SYT1: variants seen among roughly 807,000 people sequenced by gnomAD.
SYT1 encodes synaptotagmin-1.
SYT1 carries 8 observed loss-of-function variants against 44.8 expected under a neutral mutation model. That is an observed-to-expected ratio of 0.18 (90% CI 0.10 to 0.32). SYT1 has a LOEUF of 0.32. SYT1 is among the 10% of genes least tolerant of loss of function. The pLI, the probability that SYT1 is intolerant of heterozygous loss-of-function variation, is 1.00. For missense variants in SYT1, 286 were observed against 509.3 expected (o/e 0.56, Z 4.22); for synonymous variants, 154 against 188.8 (o/e 0.82, Z 1.51).
chr12:79,006,919 CTGA>C (rs954528383), intron 2 of SYT1, among the ~76,000 whole-genome samples: 1 of 152,058 alleles, frequency 6.6e-6, no homozygotes, highest in African/African-American at 2.4e-5. Context: ...TATATAGCTC[CTGA>C]TATTTCTTGC....
chr12:79,221,111 G>A (rs1875132274), intron 4 of SYT1, among the ~76,000 whole-genome samples: 10 of 152,026 alleles, frequency 6.6e-5, no homozygotes, highest in Admixed American at 6.6e-4. Context: ...CCAATGTTAG[G>A]TGCATATATG....
chr12:79,072,272 C>T (rs1197077098), intron 3 of SYT1, among the ~76,000 whole-genome samples: 2 of 152,178 alleles, frequency 1.3e-5, no homozygotes, highest in Non-Finnish European at 2.9e-5. Context: ...CTCTCTCTTT[C>T]GTAGTTTGTT....
intron 9 of SYT1, among the ~76,000 whole-genome samples, chr12:79,434,337 T>A (rs934991453): frequency 6.6e-6 from 1 of 152,228 alleles, no homozygotes; most frequent in Middle Eastern, 3.2e-3. Flanking sequence ...TAATGCTGCA[T>A]CCTTTCAACA....
At chr12:79,417,251 T>C (rs1868798931) in intron 9 of SYT1, among the ~76,000 whole-genome samples, 1 of 152,228 alleles carries the variant, frequency 6.6e-6, no homozygotes, top group Non-Finnish European at 1.5e-5. Context: ...TGTTTGCTAG[T>C]TGATTGCTTA....
intron 1 of SYT1, among the ~76,000 whole-genome samples, chr12:78,910,647 G>T (rs2137124985): frequency 6.6e-6 from 1 of 152,058 alleles, no homozygotes; most frequent in South Asian, 2.1e-4. Context: ...CATGAAAATT[G>T]CAGTCTAGAC....
Position 79,183,228 on chromosome 12 carries a change from T to A in SYT1, c.-17-34275T>A, listed in dbSNP as rs187587623. On this transcript the variant is annotated intron_variant, in intron 3 of 10. Coordinates refer to ENST00000261205, the MANE Select transcript of SYT1 (RefSeq NM_005639.3). ...ATGTAGCTTACACATGCAGCACCAC[T>A]CACTTCGGGAAGAGACAAGTCTTCT... is the stretch of plus-strand genomic sequence containing the variant. 2.6e-5 allele frequency among the ~76,000 whole-genome samples: 4 copies of A among 151,996 alleles called. No individual in the cohort carries two copies. The East Asian group carries it at 7.8e-4, about 30-fold the overall frequency.
At chr12:78,874,083 G>A (rs73347888) in intron 1 of SYT1, among the ~76,000 whole-genome samples, 2,608 of 151,548 alleles carry the variant, frequency 0.017, 74 homozygotes, top group African/African-American at 0.06. Context: ...AATATGTCAG[G>A]CACTTTTCTA....
chr12:78,924,936 G>T (rs949538641), intron 1 of SYT1, among the ~76,000 whole-genome samples: 3 of 151,606 alleles, frequency 2.0e-5, no homozygotes, highest in Non-Finnish European at 4.4e-5. Flanking sequence ...TTGCTACTGG[G>T]TGTCATTGCT....
At chr12:79,123,891 TGAAGA>T (rs1868327335) in intron 3 of SYT1, among the ~76,000 whole-genome samples, 1 of 152,184 alleles carries the variant, frequency 6.6e-6, no homozygotes, top group South Asian at 2.1e-4. Context: ...TCCCCTTAAG[TGAAGA>T]GGAGGCTAAT....
intron 2 of SYT1, among the ~76,000 whole-genome samples, chr12:79,012,394 A>G (rs760592489): frequency 2.2e-4 from 33 of 152,164 alleles, no homozygotes; most frequent in Non-Finnish European, 3.8e-4. Context: ...ATTGGATCCA[A>G]TCACCTGGAT....
rs138470643 is a variant in SYT1, at chr12:79,038,225, A to G, written c.-83-9072A>G. Among the ~76,000 whole-genome samples, 1,440 of 151,262 alleles carry G rather than the reference A, an allele frequency of 9.5e-3. 28 individuals are homozygous for G. The highest frequency in any genetic ancestry group is 0.033 in the African/African-American group (1,364 of 41,346). Reference sequence around the variant, plus strand: ...CATATATATACACACATATATATATACACACATACATATATATATATAGTT... The same window carrying G: ...CATATATATACACACATATATATATGCACACATACATATATATATATAGTT... On this transcript the variant is annotated intron_variant, in intron 2 of 10. Coordinates refer to ENST00000261205, the MANE Select transcript of SYT1 (RefSeq NM_005639.3).
chr12:79,390,634 T>C (rs1884621354), intron 9 of SYT1, among the ~76,000 whole-genome samples: 1 of 152,202 alleles, frequency 6.6e-6, no homozygotes, highest in South Asian at 2.1e-4. Flanking sequence ...TTAGCTCTTT[T>C]CTATGCACAC....
intron 4 of SYT1, among the ~76,000 whole-genome samples, chr12:79,263,058 G>A (rs1321549797): frequency 1.3e-5 from 2 of 152,192 alleles, no homozygotes; most frequent in Non-Finnish European, 2.9e-5. Flanking sequence ...CCTCTGCAAT[G>A]TCCAGAATGC....
At chr12:79,155,192 C>A (rs1249149287) in intron 3 of SYT1, among the ~76,000 whole-genome samples, 1 of 151,908 alleles carries the variant, frequency 6.6e-6, no homozygotes, top group Non-Finnish European at 1.5e-5. Context: ...CCATGAAAGA[C>A]CAAACAAATG....
chr12:79,041,572 A>G (rs899931106), intron 2 of SYT1, among the ~76,000 whole-genome samples: 21 of 152,222 alleles, frequency 1.4e-4, no homozygotes, highest in Non-Finnish European at 2.6e-4. Context: ...GTCTGCAAAC[A>G]GGGACAGTTT....
chr12:78,985,343 T>A, intron 2 of SYT1, among the ~76,000 whole-genome samples: 1 of 151,966 alleles, frequency 6.6e-6, no homozygotes, highest in African/African-American at 2.4e-5. Context: ...TATTATACGA[T>A]TTTGTTATTT....
At chr12:78,927,838 G>A (rs1877389721) in intron 1 of SYT1, among the ~76,000 whole-genome samples, 1 of 152,008 alleles carries the variant, frequency 6.6e-6, no homozygotes, top group Non-Finnish European at 1.5e-5. Context: ...ACCGTCTATA[G>A]CATAATACTA....
At chr12:78,873,680 A>G (rs1873931816) in intron 1 of SYT1, among the ~76,000 whole-genome samples, 1 of 151,668 alleles carries the variant, frequency 6.6e-6, no homozygotes, top group South Asian at 2.1e-4. Context: ...TATTCTCCTC[A>G]TTGATATTCA....
chr12:78,943,764 T>G (rs765918033), intron 1 of SYT1, among the ~76,000 whole-genome samples: 6 of 152,332 alleles, frequency 3.9e-5, no homozygotes, highest in African/African-American at 1.4e-4. Context: ...AATGCCATGA[T>G]TGCTTTGAAA....
Sources: gnomAD v4.1 joint callset for allele counts (sites outside exome capture counted in the v4.1 genomes callset) on GRCh38, gnomAD v4.1.1 for gene constraint, MANE v1.5 for transcripts, NCBI Gene and HGNC (gene_info 2026-07-23, HGNC 2026-07-21) for gene names.